The following AGBL1 variants were observed in gnomAD, a reference collection of about 807,000 sequenced individuals.
The protein encoded by AGBL1 is cytosolic carboxypeptidase 4.
Under a neutral mutation model 118.9 loss-of-function variants are expected in AGBL1, and 130 were observed. The observed-to-expected ratio is 1.09, with a 90% CI of 0.95 to 1.26. AGBL1 has a LOEUF of 1.26. Ranked by LOEUF, AGBL1 falls within the 50% of genes most tolerant of loss-of-function variation. The pLI is 0.00. For missense variants in AGBL1, 1,584 were observed against 1,298.1 expected, an observed-to-expected ratio of 1.22 and a Z score of -3.38; for synonymous variants, 555 against 478.9, an observed-to-expected ratio of 1.16 and a Z score of -2.08.
At chr15:86,325,865 A>AT (rs1341456488) in intron 17 of AGBL1, among the ~76,000 whole-genome samples, 2 of 152,044 alleles carry the variant, frequency 1.3e-5, no homozygotes, top group East Asian at 3.9e-4. Flanking sequence ...TAACTTCTTA[A>AT]TTTTTTCAAT....
chr15:86,937,240 A>G (rs2080687755), intron 23 of AGBL1, among the ~76,000 whole-genome samples: 1 of 152,234 alleles, frequency 6.6e-6, no homozygotes, highest in Admixed American at 6.5e-5. Flanking sequence ...GGAAAGCAGT[A>G]TGGTGATTCC....
chr15:86,440,096 G>GT (rs2082045298), intron 18 of AGBL1, among the ~76,000 whole-genome samples: 1 of 152,208 alleles, frequency 6.6e-6, no homozygotes, highest in South Asian at 2.1e-4. Context: ...CATAATTTGT[G>GT]TTTGATTCTT....
At chr15:86,609,839 T>G (rs1317866088) in intron 21 of AGBL1, among the ~76,000 whole-genome samples, 1 of 152,182 alleles carries the variant, frequency 6.6e-6, no homozygotes, top group African/African-American at 2.4e-5. Flanking sequence ...CATCCAGATT[T>G]CCCTCGACTA....
intron 7 of AGBL1, 132 bp downstream of exon 7, chr15:86,248,011 GT>G: frequency 8.1e-7 from 1 of 1,233,790 alleles, no homozygotes; most frequent in Non-Finnish European, 1.2e-6. Context: ...AAGGGCGGAT[GT>G]TCTGGATTTA....
chr15:86,606,813 G>A (rs2084583819), intron 21 of AGBL1, among the ~76,000 whole-genome samples: 1 of 152,118 alleles, frequency 6.6e-6, no homozygotes. Context: ...GCCAATATCT[G>A]TATTACTAAC....
chr15:86,530,240 C>T (rs1419440115), intron 19 of AGBL1, among the ~76,000 whole-genome samples: 2 of 131,978 alleles, frequency 1.5e-5, no homozygotes, highest in Non-Finnish European at 3.0e-5. Context: ...CACACATAGG[C>T]TGAAAATAAA....
At chr15:86,985,851 T>C (rs2163927) in intron 23 of AGBL1, among the ~76,000 whole-genome samples, 124,258 of 152,090 alleles carry the variant, frequency 0.82, 51,381 homozygotes, top group South Asian at 0.95. Context: ...TTTAGTCCCA[T>C]GTTCCATTTC....
At chr15:86,787,566 C>A (rs1476765370) in intron 22 of AGBL1, among the ~76,000 whole-genome samples, 3 of 152,124 alleles carry the variant, frequency 2.0e-5, no homozygotes, top group African/African-American at 7.2e-5. Flanking sequence ...TGTCGTCTTC[C>A]AGATTCATTC....
intron 21 of AGBL1, among the ~76,000 whole-genome samples, chr15:86,610,745 G>A (rs899212558): frequency 1.3e-5 from 2 of 152,078 alleles, no homozygotes; most frequent in East Asian, 3.8e-4. Flanking sequence ...ACTTAACTTC[G>A]CTTCCCTAAT....
At chr15:86,282,892 AT>A (rs2079377556) in intron 16 of AGBL1, among the ~76,000 whole-genome samples, 1 of 152,174 alleles carries the variant, frequency 6.6e-6, no homozygotes, top group Admixed American at 6.5e-5. Flanking sequence ...AATTACAGAC[AT>A]TTTTATAGCA....
At chr15:86,226,748 ACTT>A (rs1434570609) in intron 6 of AGBL1, among the ~76,000 whole-genome samples, 3 of 152,052 alleles carry the variant, frequency 2.0e-5, no homozygotes, top group Admixed American at 6.6e-5. Flanking sequence ...AGAATTTCTA[ACTT>A]CTTCTTTCCC....
intron 17 of AGBL1, among the ~76,000 whole-genome samples, chr15:86,314,439 C>A (rs2079967490): frequency 1.3e-5 from 2 of 152,116 alleles, no homozygotes; most frequent in Non-Finnish European, 2.9e-5. Flanking sequence ...CCATGGCCAG[C>A]CTGGTTTTGG....
At chr15:86,580,543 T>C (rs911086320) in intron 21 of AGBL1, among the ~76,000 whole-genome samples, 5 of 152,134 alleles carry the variant, frequency 3.3e-5, no homozygotes, top group African/African-American at 1.2e-4. Context: ...TGTACATACA[T>C]TTATGGATCA....
At chr15:86,310,907 A>C (rs549412998) in intron 17 of AGBL1, among the ~76,000 whole-genome samples, 29 of 152,336 alleles carry the variant, frequency 1.9e-4, no homozygotes, top group African/African-American at 7.0e-4. Context: ...ATTTGACATA[A>C]AAAGCTGTTC....
intron 23 of AGBL1, among the ~76,000 whole-genome samples, chr15:86,923,145 G>A (rs939427454): frequency 1.3e-5 from 2 of 152,270 alleles, no homozygotes; most frequent in Middle Eastern, 3.4e-3. Context: ...CTCATCCCTT[G>A]TCTCTCTCTC....
intron 17 of AGBL1, among the ~76,000 whole-genome samples, chr15:86,384,821 C>T (rs753926951): frequency 2.6e-5 from 4 of 152,080 alleles, no homozygotes; most frequent in Non-Finnish European, 4.4e-5. Flanking sequence ...TTACCCTTTG[C>T]AAAGAAATAC....
chr15:86,853,305 A>G (rs2079432240), intron 22 of AGBL1, among the ~76,000 whole-genome samples: 1 of 152,208 alleles, frequency 6.6e-6, no homozygotes, highest in Non-Finnish European at 1.5e-5. Flanking sequence ...TAATGCTCAT[A>G]CAAGATCCAC....
intron 23 of AGBL1, among the ~76,000 whole-genome samples, chr15:86,955,388 C>A (rs1358778437): frequency 6.6e-6 from 1 of 151,812 alleles, no homozygotes; most frequent in African/African-American, 2.4e-5. Flanking sequence ...GCCCTAGCTA[C>A]CCTTATCAGA....
intron 1 of AGBL1, among the ~76,000 whole-genome samples, chr15:86,099,401 T>C (rs772892216): frequency 2.0e-4 from 30 of 152,312 alleles, no homozygotes; most frequent in Non-Finnish European, 3.7e-4. Flanking sequence ...TTTTGTGTTT[T>C]GGTTTTGTAT....
Sources: allele counts gnomAD v4.1 joint callset (sites outside exome capture counted in the v4.1 genomes callset), GRCh38; gene constraint gnomAD v4.1.1; transcripts MANE v1.5; gene names NCBI Gene and HGNC (gene_info 2026-07-23, HGNC 2026-07-21).